The following MGAT5 variants were observed in gnomAD, a reference collection of about 807,000 sequenced individuals.
MGAT5 encodes alpha-1,6-mannosylglycoprotein 6-beta-N-acetylglucosaminyltransferase A.
Under a neutral mutation model 94.3 loss-of-function variants are expected in MGAT5, and 30 were observed. The observed-to-expected ratio is 0.32, with a 90% CI of 0.24 to 0.43. The LOEUF is 0.43. Ranked by LOEUF, MGAT5 falls within the 20% of genes least tolerant of loss-of-function variation. The probability of loss-of-function intolerance (pLI) is 1.00; values close to 1 mark genes in which losing one functional copy is unlikely to be tolerated. For synonymous variants in MGAT5, 310 were observed against 322.9 expected (o/e 0.96, Z 0.43); for missense variants, 691 against 905.5 (o/e 0.76, Z 3.04).
chr2:134,295,927 A>G lies in MGAT5; in HGVS notation c.407-21602A>G, dbSNP rs543650676. The stretch of plus-strand genomic sequence containing the variant: ...CTGTGGTTTTATTATTTGTAGTGCA[A>G]CCCAAAAATAACTACAATTTTTATT... On this transcript the variant is annotated intron_variant, in intron 2 of 15. Coordinates refer to ENST00000281923, the MANE Select transcript of MGAT5 (RefSeq NM_002410.5). Among the ~76,000 whole-genome samples the G allele has an allele frequency of 5.9e-5, 9 of 152,252 alleles. No homozygotes were observed. The South Asian group carries it at 1.9e-3, about 32-fold the overall frequency.
At chr2:134,438,101 A>G (rs1364157271) in intron 14 of MGAT5, among the ~76,000 whole-genome samples, 3 of 152,180 alleles carry the variant, frequency 2.0e-5, no homozygotes, top group Non-Finnish European at 4.4e-5. Flanking sequence ...CTGAGCACCA[A>G]CATGACACTA....
At chr2:134,423,301 A>G (rs527731563) in intron 13 of MGAT5, among the ~76,000 whole-genome samples, 22 of 152,348 alleles carry the variant, frequency 1.4e-4, no homozygotes, top group South Asian at 6.2e-4. Context: ...GAATGTTTTT[A>G]TAGAACATCT....
At chr2:134,142,312 T>G (rs1686695092) in intron 1 of MGAT5, among the ~76,000 whole-genome samples, 1 of 152,182 alleles carries the variant, frequency 6.6e-6, no homozygotes, top group Non-Finnish European at 1.5e-5. Context: ...GAGCCAATTC[T>G]TGGAAAATTT....
At chr2:134,171,799 T>C (rs1045814277) in intron 1 of MGAT5, among the ~76,000 whole-genome samples, 1 of 152,160 alleles carries the variant, frequency 6.6e-6, no homozygotes. Context: ...ATGTAAGTAC[T>C]ATAGTAAGCA....
intron 1 of MGAT5, among the ~76,000 whole-genome samples, chr2:134,225,900 A>T (rs921138675): frequency 3.3e-5 from 5 of 152,252 alleles, no homozygotes; most frequent in African/African-American, 1.2e-4. Context: ...TTTATATGAT[A>T]AAGACAGTTT....
chr2:134,407,230 T>C (rs1683392362), intron 11 of MGAT5, among the ~76,000 whole-genome samples: 1 of 152,178 alleles, frequency 6.6e-6, no homozygotes, highest in East Asian at 1.9e-4. Flanking sequence ...AAGAGCTTGC[T>C]TCCTTAGGAG....
intron 1 of MGAT5, among the ~76,000 whole-genome samples, chr2:134,179,672 G>A (rs1428069046): frequency 6.6e-6 from 1 of 152,174 alleles, no homozygotes; most frequent in Non-Finnish European, 1.5e-5. Context: ...ATTCTTCCCT[G>A]TTCTGCTTTC....
intron 12 of MGAT5, among the ~76,000 whole-genome samples, chr2:134,422,035 C>T (rs556110260): frequency 2.6e-5 from 4 of 152,014 alleles, no homozygotes; most frequent in East Asian, 1.9e-4. Context: ...TTTAATTAGC[C>T]AGGCATGATG....
chr2:134,220,982 TCTC>T (rs534965458), intron 1 of MGAT5, among the ~76,000 whole-genome samples: 1 of 152,354 alleles, frequency 6.6e-6, no homozygotes, highest in African/African-American at 2.4e-5. Flanking sequence ...TTAGTTTTCT[TCTC>T]CTGCTTCTCC....
chr2:134,249,919 C>T (rs2105486935), upstream of MGAT5, among the ~76,000 whole-genome samples: 1 of 152,348 alleles, frequency 6.6e-6, no homozygotes, highest in South Asian at 2.1e-4. Flanking sequence ...ACATCTTCAC[C>T]AACACTTGTT....
chr2:134,215,386 G>A (rs1680436791), intron 1 of MGAT5, among the ~76,000 whole-genome samples: 1 of 152,166 alleles, frequency 6.6e-6, no homozygotes, highest in African/African-American at 2.4e-5. Flanking sequence ...TTAGCTCACA[G>A]TTCTGGAGGC....
chr2:134,380,873 G>A (rs181051066), intron 10 of MGAT5, among the ~76,000 whole-genome samples: 155 of 152,268 alleles, frequency 1.0e-3, no homozygotes, highest in African/African-American at 3.4e-3. Flanking sequence ...GAGTAAACAC[G>A]TTGTATGCTT....
At chr2:134,252,862 C>A (rs1246290477), upstream of MGAT5, among the ~76,000 whole-genome samples, 1 of 151,998 alleles carries the variant, frequency 6.6e-6, no homozygotes, top group Admixed American at 6.5e-5. Context: ...TTTAATAACC[C>A]CTGGGCCATG....
chr2:134,347,860 A>G (rs1005790409), intron 8 of MGAT5, among the ~76,000 whole-genome samples: 4 of 152,174 alleles, frequency 2.6e-5, no homozygotes, highest in Non-Finnish European at 4.4e-5. Context: ...CCACATGACC[A>G]CAGTGGCCCA....
upstream of MGAT5, among the ~76,000 whole-genome samples, chr2:134,252,596 T>A (rs897018936): frequency 1.3e-5 from 2 of 152,204 alleles, no homozygotes; most frequent in African/African-American, 4.8e-5. Flanking sequence ...AGAATTCACA[T>A]TTCTCACTGG....
chr2:134,324,113 T>C (rs531400607), intron 4 of MGAT5, among the ~76,000 whole-genome samples: 1 of 152,302 alleles, frequency 6.6e-6, no homozygotes, highest in East Asian at 1.9e-4. Flanking sequence ...TTTTTTTTCT[T>C]TTTAAACAGT....
chr2:134,206,958 G>A (rs903482762), intron 1 of MGAT5, among the ~76,000 whole-genome samples: 3 of 152,188 alleles, frequency 2.0e-5, no homozygotes, highest in Non-Finnish European at 4.4e-5. Flanking sequence ...GTTGTTTTAA[G>A]CCACTAAGTA....
chr2:134,315,913 A>G (rs1037380359), intron 2 of MGAT5, among the ~76,000 whole-genome samples: 3 of 152,204 alleles, frequency 2.0e-5, no homozygotes, highest in Non-Finnish European at 4.4e-5. Flanking sequence ...CACACTATCA[A>G]AATAACTGGT....
intron 10 of MGAT5, among the ~76,000 whole-genome samples, chr2:134,380,411 T>C (rs1325593041): frequency 1.3e-5 from 2 of 152,216 alleles, no homozygotes; most frequent in East Asian, 3.8e-4. Context: ...AGCTTTATGC[T>C]GTTGTTAGAA....
Sources: allele counts gnomAD v4.1 joint callset (sites outside exome capture counted in the v4.1 genomes callset), GRCh38; gene constraint gnomAD v4.1.1; transcripts MANE v1.5; gene names NCBI Gene and HGNC (gene_info 2026-07-23, HGNC 2026-07-21).